The following CSMD1 variants were observed in gnomAD, a reference collection of about 807,000 sequenced individuals.
CSMD1 encodes the protein CUB and Sushi multiple domains 1.
Under a neutral mutation model 417.5 loss-of-function variants are expected in CSMD1, and 213 were observed. The ratio of observed to expected loss-of-function variants is 0.51; its 90% CI spans 0.46 to 0.57. The LOEUF (loss-of-function observed/expected upper bound fraction) is 0.57. Among genes scored for constraint, CSMD1 ranks in the 20% least tolerant of loss-of-function variants. The pLI is 0.00. For synonymous variants in CSMD1, 2,862 were observed against 1,736.8 expected (o/e 1.65, Z -16.11); for missense variants, 6,923 against 4,529.7 (o/e 1.53, Z -15.17).
chr8:3,148,159 A>G (rs1818961685), intron 40 of CSMD1, among the ~76,000 whole-genome samples: 1 of 152,230 alleles, frequency 6.6e-6, no homozygotes, highest in African/African-American at 2.4e-5. Context: ...GCAACATGAG[A>G]GATCAAAAAG....
At chr8:3,850,242 AC>A (rs1803804792) in intron 5 of CSMD1, among the ~76,000 whole-genome samples, 2 of 152,344 alleles carry the variant, frequency 1.3e-5, no homozygotes, top group African/African-American at 4.8e-5. Context: ...AGAATAAAAA[AC>A]CAATAGGTAA....
chr8:4,268,091 G>A (rs1291900427), intron 3 of CSMD1, among the ~76,000 whole-genome samples: 1 of 152,060 alleles, frequency 6.6e-6, no homozygotes, highest in East Asian at 1.9e-4. Flanking sequence ...TTGAAACATT[G>A]TTACAAAAAA....
At chr8:3,477,850 G>A (rs1449550030) in intron 11 of CSMD1, among the ~76,000 whole-genome samples, 1 of 152,182 alleles carries the variant, frequency 6.6e-6, no homozygotes, top group Non-Finnish European at 1.5e-5. Context: ...GGTAGTTACA[G>A]ATTCCATGTT....
At chr8:2,960,939 G>GAT (rs3076013) in intron 62 of CSMD1, among the ~76,000 whole-genome samples, 32,199 of 121,474 alleles carry the variant, frequency 0.27, 4,705 homozygotes, top group Non-Finnish European at 0.34. Context: ...TAGTAAGCAA[G>GAT]ATATATATAT....
intron 38 of CSMD1, 60 bp downstream of exon 38, chr8:3,162,099 A>G: frequency 9.0e-7 from 1 of 1,108,722 alleles, no homozygotes; most frequent in African/African-American, 1.5e-5. Flanking sequence ...TTTGGCTTTA[A>G]GAGAGCTGCA....
chr8:3,425,944 A>T (rs908630796), intron 12 of CSMD1, among the ~76,000 whole-genome samples: 1 of 152,180 alleles, frequency 6.6e-6, no homozygotes, highest in African/African-American at 2.4e-5. Context: ...TCCCACTAGA[A>T]TAAAAGGGGT....
At chr8:3,543,171 C>G (rs6992326) in intron 10 of CSMD1, among the ~76,000 whole-genome samples, 7,393 of 152,200 alleles carry the variant, frequency 0.049, 518 homozygotes, top group African/African-American at 0.15. Flanking sequence ...CCCTGAGACC[C>G]AGGCATGCTT....
intron 2 of CSMD1, among the ~76,000 whole-genome samples, chr8:4,440,665 T>C (rs1798415852): frequency 6.6e-6 from 1 of 152,220 alleles, no homozygotes; most frequent in African/African-American, 2.4e-5. Flanking sequence ...TTTGTGCTGC[T>C]TGAGAATTTT....
intron 37 of CSMD1, among the ~76,000 whole-genome samples, chr8:3,175,684 G>A (rs1820894025): frequency 7.2e-6 from 1 of 139,132 alleles, no homozygotes; most frequent in Admixed American, 6.8e-5. Flanking sequence ...TCTACGAGCA[G>A]AGCTTCAGAC....
intron 23 of CSMD1, among the ~76,000 whole-genome samples, chr8:3,315,805 C>G (rs546927822): frequency 2.6e-5 from 4 of 152,114 alleles, no homozygotes; most frequent in African/African-American, 7.2e-5. Context: ...TTTTATCAAG[C>G]AAACTTTTAA....
chr8:3,654,033 G>A (rs1211342156), intron 7 of CSMD1, among the ~76,000 whole-genome samples: 1 of 152,072 alleles, frequency 6.6e-6, no homozygotes, highest in African/African-American at 2.4e-5. Flanking sequence ...GCTTGGAGGG[G>A]CCAACTGTAT....
intron 1 of CSMD1, among the ~76,000 whole-genome samples, chr8:4,926,536 C>T (rs539594882): frequency 9.9e-5 from 15 of 152,156 alleles, no homozygotes; most frequent in African/African-American, 3.6e-4. Flanking sequence ...TTTAATTAAC[C>T]TCCTTATTTA....
intron 5 of CSMD1, among the ~76,000 whole-genome samples, chr8:3,970,593 G>A (rs1166650780): frequency 6.6e-6 from 1 of 152,146 alleles, no homozygotes; most frequent in Non-Finnish European, 1.5e-5. Flanking sequence ...CCAACAGAAT[G>A]AATAGCAAAG....
At chr8:3,994,020 G>C (rs879566124) in intron 5 of CSMD1, among the ~76,000 whole-genome samples, 12 of 152,190 alleles carry the variant, frequency 7.9e-5, no homozygotes, top group Non-Finnish European at 1.5e-4. Context: ...TGGCAGGGAG[G>C]GAGCCAGGAT....
At chr8:4,497,732 C>T (rs1409452721) in intron 2 of CSMD1, among the ~76,000 whole-genome samples, 5 of 152,208 alleles carry the variant, frequency 3.3e-5, no homozygotes, top group Non-Finnish European at 7.3e-5. Context: ...CAACTCCTTT[C>T]AGCACAAAGC....
At chr8:3,747,566 C>T (rs1749947776) in intron 6 of CSMD1, among the ~76,000 whole-genome samples, 1 of 151,518 alleles carries the variant, frequency 6.6e-6, no homozygotes, top group African/African-American at 2.4e-5. Flanking sequence ...GGCAGTTTGT[C>T]TCTTTCCAAG....
At chr8:4,113,935 T>G (rs904620744) in intron 3 of CSMD1, among the ~76,000 whole-genome samples, 2 of 152,124 alleles carry the variant, frequency 1.3e-5, no homozygotes, top group African/African-American at 4.8e-5. Flanking sequence ...TTCATAAGAT[T>G]TAAGAAAAGA....
At chr8:3,883,755 A>T (rs1158002942) in intron 5 of CSMD1, among the ~76,000 whole-genome samples, 1 of 152,152 alleles carries the variant, frequency 6.6e-6, no homozygotes, top group Non-Finnish European at 1.5e-5. Flanking sequence ...GAAACCAGTC[A>T]TCTTAAATCC....
intron 5 of CSMD1, among the ~76,000 whole-genome samples, chr8:3,906,771 G>T (rs1034774992): frequency 3.3e-5 from 5 of 152,044 alleles, no homozygotes; most frequent in Admixed American, 2.0e-4. Context: ...GAGGAAAAAT[G>T]ACTTTTATAT....
Sources: gnomAD v4.1 joint callset for allele counts (sites outside exome capture counted in the v4.1 genomes callset) on GRCh38, gnomAD v4.1.1 for gene constraint, MANE v1.5 for transcripts, NCBI Gene and HGNC (gene_info 2026-07-23, HGNC 2026-07-21) for gene names.